Variants in PLEKHH2 observed in about 807,000 individuals in gnomAD.
The protein encoded by PLEKHH2 is pleckstrin homology domain-containing family H member 2.
In PLEKHH2, 129 loss-of-function variants were observed where a neutral mutation model predicts 187.9. The ratio of observed to expected loss-of-function variants is 0.69; its 90% CI spans 0.59 to 0.79. PLEKHH2 has a LOEUF of 0.79. Ranked by LOEUF, PLEKHH2 falls within the 30% of genes least tolerant of loss-of-function variation. PLEKHH2 has a pLI of 0.00. For missense variants in PLEKHH2, 2,076 were observed against 1,751.2 expected (o/e 1.19, Z -3.31); for synonymous variants, 686 against 605.6 (o/e 1.13, Z -1.95).
intron 18 of PLEKHH2, among the ~76,000 whole-genome samples, chr2:43,731,238 AC>A (rs1361692492): frequency 2.0e-5 from 3 of 152,188 alleles, no homozygotes; most frequent in African/African-American, 7.2e-5. Context: ...GTAACCACAT[AC>A]CACCTATTCC....
At chr2:43,694,637 C>T (rs1387661691) in intron 5 of PLEKHH2, 123 bp downstream of exon 5, 34 of 1,041,234 alleles carry the variant, frequency 3.3e-5, no homozygotes, top group African/African-American at 3.4e-5. Flanking sequence ...ATACTGCTAT[C>T]TTTTGATAAA....
chr2:43,742,389 T>C (rs1245320343), intron 21 of PLEKHH2, among the ~76,000 whole-genome samples: 1 of 152,172 alleles, frequency 6.6e-6, no homozygotes, highest in Non-Finnish European at 1.5e-5. Context: ...TAACATGTTT[T>C]TATAAGTTAC....
chr2:43,740,778 GT>G (rs1416706496), intron 20 of PLEKHH2, 167 bp from the exon 21 acceptor site: 1 of 1,235,778 alleles, frequency 8.1e-7, no homozygotes, highest in East Asian at 3.1e-5. Context: ...CCAATGTAGA[GT>G]TTTTTGTTTT....
chr2:43,668,881 T>A (rs1241329656), intron 2 of PLEKHH2, among the ~76,000 whole-genome samples: 3 of 152,218 alleles, frequency 2.0e-5, no homozygotes, highest in African/African-American at 7.2e-5. Flanking sequence ...TAATTAGCTT[T>A]GAGTCTGGCC....
At chr2:43,643,029 C>T (rs1164437748) in intron 1 of PLEKHH2, among the ~76,000 whole-genome samples, 1 of 152,046 alleles carries the variant, frequency 6.6e-6, no homozygotes, top group Non-Finnish European at 1.5e-5. Context: ...TCCATATTTT[C>T]TTTCCCTGTT....
At chr2:43,643,715 G>A (rs1041880779) in intron 1 of PLEKHH2, among the ~76,000 whole-genome samples, 1 of 152,026 alleles carries the variant, frequency 6.6e-6, no homozygotes, top group Non-Finnish European at 1.5e-5. Flanking sequence ...TTTCATAGCA[G>A]GGCAGTTCAT....
chr2:43,724,082 G>A (rs977675066), intron 16 of PLEKHH2, among the ~76,000 whole-genome samples: 1 of 148,434 alleles, frequency 6.7e-6, no homozygotes, highest in Non-Finnish European at 1.5e-5. Context: ...AAGTAACATT[G>A]CCAACAACTT....
In PLEKHH2 at chr2:43,670,657, A is replaced by G. The variant is rs542861617; in HGVS notation, c.124-8206A>G. ...TTTTCTAAGCTGCTTAGGCTATTCT[A>G]GGTCCTGTGCATTTCTATACAAATT... On this transcript the variant is annotated intron_variant, in intron 2 of 29. Transcript: ENST00000282406. 2.0e-5 allele frequency among the ~76,000 whole-genome samples: 3 copies of G among 151,658 alleles called. No homozygotes were observed. The East Asian group carries it at 5.8e-4, about 29-fold the overall frequency.
intron 2 of PLEKHH2, among the ~76,000 whole-genome samples, chr2:43,668,867 G>T (rs1350293683): frequency 6.6e-6 from 1 of 152,142 alleles, no homozygotes; most frequent in Non-Finnish European, 1.5e-5. Flanking sequence ...GTTACCCGAA[G>T]AGTTAATTAG....
chr2:43,686,974 A>C (rs71420067), intron 3 of PLEKHH2, among the ~76,000 whole-genome samples: 33,253 of 124,100 alleles, frequency 0.27, 4,279 homozygotes, highest in Non-Finnish European at 0.3. Flanking sequence ...CCTTCTCTCT[A>C]TATATATTTA....
At chr2:43,673,028 T>A (rs1021139674) in intron 2 of PLEKHH2, among the ~76,000 whole-genome samples, 2 of 152,226 alleles carry the variant, frequency 1.3e-5, no homozygotes, top group Non-Finnish European at 2.9e-5. Flanking sequence ...CACTTATTTT[T>A]AAATATGTCA....
intron 16 of PLEKHH2, among the ~76,000 whole-genome samples, chr2:43,725,579 G>T (rs1670699715): frequency 6.6e-6 from 1 of 152,212 alleles, no homozygotes; most frequent in African/African-American, 2.4e-5. Context: ...AAAGTTTTCT[G>T]CTGGGGACTT....
Position 43,761,410 on chromosome 2 carries a change from C to CTTT in PLEKHH2, c.4072-877_4072-875dup, listed in dbSNP as rs568339874. On this transcript the variant is annotated intron_variant, in intron 27 of 29. Transcript: ENST00000282406. ...TATGAGAACCAGGAGTAGCTTTTAG[C>CTTT]TTTTTTTTTTTTTTTTTTTAGATGA... Among the ~76,000 whole-genome samples, 595 of 117,640 alleles carry CTTT rather than the reference C, an allele frequency of 5.1e-3. 5 individuals are homozygous for CTTT. The highest frequency in any genetic ancestry group is 0.018 in the African/African-American group (552 of 31,088). 77.2% of individuals were successfully genotyped at this position (117,640 alleles called of 152,430 possible).
chr2:43,711,542 T>C (rs1362624539), intron 14 of PLEKHH2: 30 of 961,418 alleles, frequency 3.1e-5, no homozygotes, highest in African/African-American at 3.5e-5. Flanking sequence ...CTTCTTTAGT[T>C]GCTAAAACTA....
At chr2:43,719,060 A>G (rs1275577133) in intron 15 of PLEKHH2, among the ~76,000 whole-genome samples, 2 of 152,054 alleles carry the variant, frequency 1.3e-5, no homozygotes, top group African/African-American at 2.4e-5. Context: ...CTTTATTTAC[A>G]TTTTCTCATT....
chr2:43,697,293 T>C lies in PLEKHH2; in HGVS notation c.625T>C (p.Ser209Pro). The C allele has an allele frequency of 6.2e-7, 1 of 1,613,836 alleles. No homozygotes were observed. Among genetic ancestry groups the C allele is most frequent in the Non-Finnish European group, 8.5e-7 (1 of 1,179,798 alleles). The change falls in exon 7 of 30, where the codon TCT becomes CCT. Residue 209 changes from serine to proline, a missense_variant. Physicochemically the swap from Ser to Pro is moderately conservative, Grantham distance 74 (BLOSUM62 -1). Transcript: ENST00000282406. ...RARSPPQVVK[S>P]EEMSKISSKE... Reference sequence around the variant, plus strand: ...AAGGAGTCCTCCTCAAGTAGTAAAATCTGAGGAAATGAGCAAGATATCATC... The same window carrying C: ...AAGGAGTCCTCCTCAAGTAGTAAAACCTGAGGAAATGAGCAAGATATCATC...
chr2:43,714,357 G>A (rs536087248), intron 15 of PLEKHH2, among the ~76,000 whole-genome samples: 9 of 152,272 alleles, frequency 5.9e-5, no homozygotes, highest in African/African-American at 2.2e-4. Flanking sequence ...AATCATTAGG[G>A]TTTATAGCCA....
Position 43,757,128 on chromosome 2 carries a change from G to A in PLEKHH2, c.3805G>A (p.Gly1269Arg), listed in dbSNP as rs1319705086. 2 of 1,577,732 alleles carry A rather than the reference G, an allele frequency of 1.3e-6. No homozygotes were observed. The highest frequency in any genetic ancestry group is 8.6e-7 in the Non-Finnish European group (1 of 1,166,264). Residue 1269 changes from glycine (G) to arginine (R), a missense_variant, in exon 26 of 30, where the codon GGA (glycine) becomes AGA (arginine). Transcript: ENST00000282406. ...GTGGATTTCCAATTAGGTAGAGATT[G>A]GAGATTTTGAAAGACCTTTCTCAAC... ...MAALLSQVEI[G>R]DFERPFSTPA...
chr2:43,708,836 C>T (rs1193173740), intron 11 of PLEKHH2, among the ~76,000 whole-genome samples: 1 of 152,160 alleles, frequency 6.6e-6, no homozygotes, highest in Non-Finnish European at 1.5e-5. Flanking sequence ...ATGACAATCA[C>T]TGAGGTCCCT....
Sources: allele counts gnomAD v4.1 joint callset (sites outside exome capture counted in the v4.1 genomes callset), GRCh38; gene constraint gnomAD v4.1.1; transcripts MANE v1.5; gene names NCBI Gene and HGNC (gene_info 2026-07-23, HGNC 2026-07-21).